Variants in PCDH11X observed in about 807,000 individuals in gnomAD.
PCDH11X encodes the protein protocadherin-11 X-linked.
PCDH11X carries 18 observed loss-of-function variants against 53.3 expected under a neutral mutation model. The observed-to-expected ratio is 0.34, with a 90% CI of 0.23 to 0.50. The LOEUF (loss-of-function observed/expected upper bound fraction) is 0.50, where lower values mean the gene tolerates loss of function less well. PCDH11X is among the 20% of genes least tolerant of loss of function. The pLI, the probability that PCDH11X is intolerant of heterozygous loss-of-function variation, is 0.98. For synonymous variants in PCDH11X, 279 were observed against 393.3 expected (o/e 0.71, Z 3.44); for missense variants, 570 against 1,032.4 (o/e 0.55, Z 6.14).
chrX:91,836,751 A>G (rs1229651252), intron 5 of PCDH11X, among the ~76,000 whole-genome samples: 4 of 111,432 alleles, frequency 3.6e-5, no homozygotes, highest in Non-Finnish European at 7.5e-5. Flanking sequence ...TAATTTGAAT[A>G]ACCTACTCTG....
intron 10 of PCDH11X, among the ~76,000 whole-genome samples, chrX:92,588,379 T>TAG: frequency 9.5e-6 from 1 of 105,747 alleles, no homozygotes; most frequent in African/African-American, 3.4e-5. Context: ...TGTGTATATA[T>TAG]ATATATATAT....
At chrX:92,308,523 C>G (rs751617984) in intron 8 of PCDH11X, among the ~76,000 whole-genome samples, 1 of 110,305 alleles carries the variant, frequency 9.1e-6, no homozygotes, top group South Asian at 3.9e-4. Flanking sequence ...TGACCTTAAC[C>G]ATAAGGGGTA....
chrX:92,617,596 T>A (rs1248506016), intron 10 of PCDH11X, among the ~76,000 whole-genome samples: 2 of 110,437 alleles, frequency 1.8e-5, no homozygotes, highest in Non-Finnish European at 3.8e-5. Flanking sequence ...GTTTGATATC[T>A]ATTGACATTT....
intron 6 of PCDH11X, among the ~76,000 whole-genome samples, chrX:92,049,770 TTTTG>T (rs1394517041): frequency 5.4e-5 from 6 of 111,127 alleles, no homozygotes; most frequent in Admixed American, 9.6e-5. Context: ...CAGCGTGGTT[TTTTG>T]TTTGTTTGTT....
chrX:92,133,680 T>C (rs2065033931), intron 6 of PCDH11X, among the ~76,000 whole-genome samples: 1 of 112,531 alleles, frequency 8.9e-6, no homozygotes, highest in Non-Finnish European at 1.9e-5. Flanking sequence ...GTTTTATTGT[T>C]TATGAGAAAC....
At position 92,436,127 on chromosome X, in the gene PCDH11X, G is replaced by C. The variant is rs1441113548; in HGVS notation, c.3344-32172G>C. 2.8e-5 allele frequency among the ~76,000 whole-genome samples: 3 copies of C among 108,301 alleles called. No homozygotes were observed. The East Asian group carries it at 8.7e-4, about 31-fold the overall frequency. The allele number at this position is 108,301 out of a possible 115,157, so 94.0% of individuals were successfully genotyped here. A position where few individuals can be genotyped will look rare whatever the true frequency, so the allele number is the denominator to read the frequency against. On this transcript the variant is annotated intron_variant, in intron 9 of 10. Coordinates refer to ENST00000682573, the MANE Select transcript of PCDH11X (RefSeq NM_032968.5). ...ATAAGGAACTTAAACGAATTTATAAGAAAAAAACAAACAACCCCATGAAAA... is the reference window on the plus strand; with the variant it reads ...ATAAGGAACTTAAACGAATTTATAACAAAAAAACAAACAACCCCATGAAAA...
intron 7 of PCDH11X, among the ~76,000 whole-genome samples, chrX:92,213,865 GAATAA>G (rs1275908758): frequency 4.8e-5 from 5 of 103,936 alleles, no homozygotes; most frequent in Non-Finnish European, 8.0e-5. Context: ...TAAATCAAAT[GAATAA>G]AATATGGAGT....
At chrX:92,157,682 C>T (rs1603074879) in intron 6 of PCDH11X, among the ~76,000 whole-genome samples, 2 of 111,656 alleles carry the variant, frequency 1.8e-5, no homozygotes, top group South Asian at 7.5e-4. Context: ...CATTTGCTCT[C>T]GGTCACATTA....
intron 10 of PCDH11X, among the ~76,000 whole-genome samples, chrX:92,471,265 C>T (rs2073256974): frequency 9.4e-6 from 1 of 106,690 alleles, no homozygotes; most frequent in Non-Finnish European, 1.9e-5. Flanking sequence ...TCCTCCCACC[C>T]TCCATCCTCC....
chrX:92,122,642 C>T lies in PCDH11X; in HGVS notation c.3034-78733C>T, dbSNP rs1360615768. 8.1e-5 allele frequency among the ~76,000 whole-genome samples: 9 copies of T among 111,539 alleles called. No homozygotes were observed. The East Asian group carries it at 2.6e-3, about 32-fold the overall frequency. ...ACTTAATGTTTACATTTAAGAAAAT[C>T]GTAATCTGGGCCAGGAGCAGGCAGT... is the stretch of plus-strand genomic sequence containing the variant. On this transcript the variant is annotated intron_variant, in intron 6 of 10. Coordinates refer to ENST00000682573, the MANE Select transcript of PCDH11X (RefSeq NM_032968.5).
chrX:92,453,360 T>C (rs1462017111), intron 9 of PCDH11X, among the ~76,000 whole-genome samples: 3 of 111,496 alleles, frequency 2.7e-5, no homozygotes, highest in Non-Finnish European at 5.7e-5. Context: ...ATTAATGTTA[T>C]TTTATGAAAC....
At chrX:91,896,136 A>AT (rs1444725538) in intron 6 of PCDH11X, among the ~76,000 whole-genome samples, 37 of 108,172 alleles carry the variant, frequency 3.4e-4, no homozygotes, top group Non-Finnish European at 3.8e-5. Flanking sequence ...TAATAAATAT[A>AT]TTTTTTGAGA....
intron 6 of PCDH11X, among the ~76,000 whole-genome samples, chrX:92,148,559 A>G (rs1316936891): frequency 9.3e-6 from 1 of 108,084 alleles, no homozygotes; most frequent in Non-Finnish European, 1.9e-5. Flanking sequence ...AATAGCACCT[A>G]TGATAGAACA....
At chrX:92,143,143 G>T (rs1028129411) in intron 6 of PCDH11X, among the ~76,000 whole-genome samples, 7 of 111,394 alleles carry the variant, frequency 6.3e-5, no homozygotes, top group Non-Finnish European at 1.3e-4. Context: ...GCTAGATGTG[G>T]TGGCACATGC....
chrX:92,190,913 A>G lies in PCDH11X; in HGVS notation c.3034-10462A>G, dbSNP rs776850503. Reference sequence around the variant, plus strand: ...GAGAATCTAGTCTAAAGAGGACCTGATCGTTGTTGCTATTTTACTGACGAT... The same window carrying G: ...GAGAATCTAGTCTAAAGAGGACCTGGTCGTTGTTGCTATTTTACTGACGAT... On this transcript the variant is annotated intron_variant, in intron 6 of 10. Transcript: ENST00000682573. 1.3e-4 allele frequency among the ~76,000 whole-genome samples: 15 copies of G among 111,426 alleles called. 1 individual carries two copies. The South Asian group carries it at 5.6e-3, about 41-fold the overall frequency.
At chrX:92,507,464 T>G (rs1482632930) in intron 10 of PCDH11X, among the ~76,000 whole-genome samples, 1 of 111,650 alleles carries the variant, frequency 9.0e-6, no homozygotes, top group Admixed American at 9.6e-5. Flanking sequence ...CATCTTCCGG[T>G]TTATCCTTGC....
At chrX:92,604,546 A>G (rs1602429571) in intron 10 of PCDH11X, among the ~76,000 whole-genome samples, 1 of 111,656 alleles carries the variant, frequency 9.0e-6, no homozygotes, top group Non-Finnish European at 1.9e-5. Flanking sequence ...AGCTGCAAGG[A>G]GAAACGGGGA....
intron 10 of PCDH11X, among the ~76,000 whole-genome samples, chrX:92,546,248 G>A (rs1355102561): frequency 1.8e-5 from 2 of 110,774 alleles, no homozygotes; most frequent in Non-Finnish European, 3.8e-5. Context: ...TTCAGTTGTG[G>A]AACAAAGAAT....
intron 10 of PCDH11X, among the ~76,000 whole-genome samples, chrX:92,598,589 T>C (rs1182457086): frequency 1.0e-5 from 1 of 95,469 alleles, no homozygotes; most frequent in African/African-American, 4.3e-5. Context: ...GGAACCGCCA[T>C]GCACTATTTG....
Sources: allele counts gnomAD v4.1 joint callset (sites outside exome capture counted in the v4.1 genomes callset), GRCh38; gene constraint gnomAD v4.1.1; transcripts MANE v1.5; gene names NCBI Gene and HGNC (gene_info 2026-07-23, HGNC 2026-07-21).